Variants in MAPK6 observed in about 807,000 individuals in gnomAD.
MAPK6 encodes mitogen-activated protein kinase 6.
A neutral mutation model predicts 59.3 loss-of-function variants in MAPK6; 19 were observed. That is an observed-to-expected ratio of 0.32 (90% CI 0.22 to 0.47). The LOEUF (loss-of-function observed/expected upper bound fraction) is 0.47. MAPK6 is among the 20% of genes least tolerant of loss of function. The pLI is 1.00. For missense variants in MAPK6, 724 were observed against 847.9 expected (o/e 0.85, Z 1.81); for synonymous variants, 316 against 290.3 (o/e 1.09, Z -0.90).
chr15:52,008,753 C>T (rs1169894730), intron 3 of MAPK6, among the ~76,000 whole-genome samples: 1 of 152,142 alleles, frequency 6.6e-6, no homozygotes. Flanking sequence ...GATGGGCACT[C>T]ATAGGTTTAG....
At position 52,009,983 on chromosome 15, in the gene MAPK6, G is replaced by A. The variant is rs914330301; in HGVS notation, c.-632+5581G>A. 5.0e-4 allele frequency among the ~76,000 whole-genome samples: 76 copies of A among 152,174 alleles called. 1 individual carries two copies. Among genetic ancestry groups the A allele is most frequent in the Middle Eastern group, 3.4e-3 (1 of 294 alleles). ...AGACACAGTTTCACCATCTTGGCCA[G>A]GCTGGTCTCAAACTCCTGACCTTGT... On this transcript the variant is annotated intron_variant, in intron 3 of 7. Transcript: ENST00000691380.
At chr15:52,042,048 C>G (rs928802487) in intron 1 of MAPK6, among the ~76,000 whole-genome samples, 8 of 152,148 alleles carry the variant, frequency 5.3e-5, no homozygotes, top group African/African-American at 1.4e-4. Context: ...TGGAACGTGA[C>G]TGAATTGGAA....
chr15:51,990,003 G>A (rs2057202996), intron 2 of MAPK6, among the ~76,000 whole-genome samples: 1 of 152,202 alleles, frequency 6.6e-6, no homozygotes, highest in Non-Finnish European at 1.5e-5. Context: ...CCAAGCATGA[G>A]GAAAAGAACA....
At chr15:52,033,489 A>G (rs2141879399) in intron 1 of MAPK6, among the ~76,000 whole-genome samples, 2 of 152,098 alleles carry the variant, frequency 1.3e-5, no homozygotes, top group Middle Eastern at 6.8e-3. Context: ...CAGACTCCAG[A>G]TTGTTTGGGC....
Position 52,046,665 on chromosome 15 carries a change from A to G in MAPK6, c.205A>G (p.Ile69Val). The stretch of plus-strand genomic sequence containing the variant: ...ACATGCTCTACGTGAAATCAAAATT[A>G]TTAGAAGACTTGACCATGATAACAT... ...VKHALREIKI[I>V]RRLDHDNIVK... Residue 69 changes from isoleucine to valine, a missense_variant, in exon 2 of 6, where the codon ATT becomes GTT. Physicochemically the swap from Ile to Val is conservative, Grantham distance 29 (BLOSUM62 3). Coordinates refer to ENST00000261845, the MANE Select transcript of MAPK6 (RefSeq NM_002748.4). 1 of 1,614,200 alleles carries G rather than the reference A, an allele frequency of 6.2e-7. No individual in the cohort carries two copies. Among genetic ancestry groups the G allele is most frequent in the Non-Finnish European group, 8.5e-7 (1 of 1,180,014 alleles).
intron 2 of MAPK6, among the ~76,000 whole-genome samples, chr15:51,989,427 G>A (rs1335027525): frequency 6.6e-6 from 1 of 151,998 alleles, no homozygotes; most frequent in Non-Finnish European, 1.5e-5. Context: ...AGATTCCAGG[G>A]ATTAAGACAT....
At chr15:52,039,346 TAAC>T (rs1182684316) in intron 1 of MAPK6, among the ~76,000 whole-genome samples, 1 of 152,008 alleles carries the variant, frequency 6.6e-6, no homozygotes, top group Non-Finnish European at 1.5e-5. Flanking sequence ...TACTGGAAAA[TAAC>T]AACTAGAGAT....
Position 52,005,503 on chromosome 15 carries a change from G to A in MAPK6, c.-632+1101G>A, listed in dbSNP as rs141407207. ...GATCGCACCACTGCACTCCAGCCTGGGCAACAAGAGTGACATTCCATCTCA... is the reference window on the plus strand; with the variant it reads ...GATCGCACCACTGCACTCCAGCCTGAGCAACAAGAGTGACATTCCATCTCA... On this transcript the variant is annotated intron_variant, in intron 3 of 7. Coordinates refer to the MAPK6 transcript ENST00000691380. Among the ~76,000 whole-genome samples the A allele has an allele frequency of 1.9e-3, 283 of 151,838 alleles. 1 individual carries two copies. Among genetic ancestry groups the A allele is most frequent in the Admixed American group, 0.012 (185 of 15,232 alleles).
chr15:52,060,231 C>T (rs932057113), intron 4 of MAPK6, among the ~76,000 whole-genome samples: 2 of 152,144 alleles, frequency 1.3e-5, no homozygotes, highest in African/African-American at 4.8e-5. Flanking sequence ...CGCAAAGATG[C>T]TGTGTCTTAA....
In MAPK6 at chr15:52,065,934, A is replaced by T. The variant is rs2032406065; in HGVS notation, c.*934A>T. 1 of 152,608 alleles carries T rather than the reference A, an allele frequency of 6.6e-6. No homozygotes were observed. 9.5% of individuals were successfully genotyped at this position (152,608 alleles called of 1,614,324 possible). ...TACAAAGAAAAATTAATTAGGAATTACTTTATTATAAAATGCTCCTAGAAG... is the reference window on the plus strand; with the variant it reads ...TACAAAGAAAAATTAATTAGGAATTTCTTTATTATAAAATGCTCCTAGAAG... On this transcript the variant is annotated 3_prime_UTR_variant, in exon 6 of 6. Transcript: ENST00000261845.
rs1379914961 is a variant in MAPK6, at chr15:52,066,368, G to A, written c.*1368G>A. The A allele has an allele frequency of 3.3e-5, 5 of 152,184 alleles. No individual in the cohort carries two copies. Among genetic ancestry groups the A allele is most frequent in the Non-Finnish European group, 7.4e-5 (5 of 68,026 alleles). 9.4% of individuals were successfully genotyped at this position (152,184 alleles called of 1,614,324 possible). ...CCATAAATTGCTAGTCTGAAAGGCT[G>A]AGAAGGTTCAAGTCTTTTGACTTAA... On this transcript the variant is annotated 3_prime_UTR_variant, in exon 6 of 6. Coordinates refer to ENST00000261845, the MANE Select transcript of MAPK6 (RefSeq NM_002748.4).
At chr15:51,977,250 AC>A (rs1478789467) in intron 1 of MAPK6, among the ~76,000 whole-genome samples, 2 of 151,576 alleles carry the variant, frequency 1.3e-5, no homozygotes, top group Non-Finnish European at 2.9e-5. Context: ...CAATCCATCC[AC>A]CTTGGCCTCA....
intron 1 of MAPK6, among the ~76,000 whole-genome samples, chr15:52,040,945 T>A (rs1329702937): frequency 6.6e-6 from 1 of 152,216 alleles, no homozygotes; most frequent in Non-Finnish European, 1.5e-5. Flanking sequence ...TTCACCAAAT[T>A]TTTAAAAACA....
intron 4 of MAPK6, among the ~76,000 whole-genome samples, chr15:52,060,206 T>C (rs946212536): frequency 2.6e-5 from 4 of 152,178 alleles, no homozygotes; most frequent in African/African-American, 7.2e-5. Flanking sequence ...GCTATTGCAC[T>C]CCAGCCTGGG....
At chr15:52,008,554 A>G (rs2029971869) in intron 3 of MAPK6, among the ~76,000 whole-genome samples, 1 of 152,252 alleles carries the variant, frequency 6.6e-6, no homozygotes, top group Non-Finnish European at 1.5e-5. Flanking sequence ...AATAGTGAAC[A>G]TACTTATTGC....
At chr15:51,987,863 T>C (rs1456553493) in intron 2 of MAPK6, among the ~76,000 whole-genome samples, 1 of 151,212 alleles carries the variant, frequency 6.6e-6, no homozygotes, top group Non-Finnish European at 1.5e-5. Context: ...CCTCCCGGGT[T>C]CAAGTGATTC....
chr15:52,059,948 TATGATCTTTGAAGGA>T (rs901663998), intron 4 of MAPK6, among the ~76,000 whole-genome samples: 7 of 152,354 alleles, frequency 4.6e-5, no homozygotes, highest in Non-Finnish European at 8.8e-5. Context: ...CCACATTCTT[TATGATCTTTGAAGGA>T]AAAAAGCAAA....
intron 2 of MAPK6, among the ~76,000 whole-genome samples, chr15:51,994,657 C>T (rs1038462487): frequency 6.6e-6 from 1 of 152,154 alleles, no homozygotes; most frequent in South Asian, 2.1e-4. Context: ...AGTAACTTTA[C>T]AGTGGAAAAG....
At chr15:51,997,923 C>CTCTTTCTTTCTTTCTTTCTT (rs201219333) in intron 2 of MAPK6, among the ~76,000 whole-genome samples, 2 of 131,182 alleles carry the variant, frequency 1.5e-5, no homozygotes, top group African/African-American at 3.9e-5. Flanking sequence ...TTCTTTCTTT[C>CTCTTTCTTTCTTTCTTTCTT]TCTTTCTTTC....
Sources: allele counts gnomAD v4.1 joint callset (sites outside exome capture counted in the v4.1 genomes callset), GRCh38; gene constraint gnomAD v4.1.1; transcripts MANE v1.5; gene names NCBI Gene and HGNC (gene_info 2026-07-23, HGNC 2026-07-21).